The following PCDHGB2 variants were observed in gnomAD, a reference collection of about 807,000 sequenced individuals.
PCDHGB2 encodes the protein protocadherin gamma-B2.
In PCDHGB2, 55 loss-of-function variants were observed where a neutral mutation model predicts 59.3. The ratio of observed to expected loss-of-function variants is 0.93; its 90% confidence interval spans 0.75 to 1.16. The LOEUF (loss-of-function observed/expected upper bound fraction) is 1.16, where lower values mean the gene tolerates loss of function less well. Among genes scored for constraint, PCDHGB2 ranks in the 50% most tolerant of loss-of-function variants. PCDHGB2 has a pLI of 0.00. For synonymous variants in PCDHGB2, 516 were observed against 512.0 expected (o/e 1.01, Z -0.11); for missense variants, 1,228 against 1,198.5 (o/e 1.02, Z -0.36).
chr5:141,499,322 T>C (rs1186220818), intron 2 of PCDHGB2, among the ~76,000 whole-genome samples: 1 of 152,218 alleles, frequency 6.6e-6, no homozygotes, highest in Non-Finnish European at 1.5e-5. Context: ...ACAGTATCCC[T>C]GCTCTCTCTC....
At chr5:141,385,897 T>G (rs1239530596) in intron 1 of PCDHGB2, 1 of 152,628 alleles carries the variant, frequency 6.6e-6, no homozygotes, top group East Asian at 1.9e-4. Flanking sequence ...GAAATGTGTG[T>G]GTATCACACT....
chr5:141,471,977 A>G (rs1487329441), intron 1 of PCDHGB2, among the ~76,000 whole-genome samples: 1 of 152,212 alleles, frequency 6.6e-6, no homozygotes, highest in Non-Finnish European at 1.5e-5. Context: ...ATTACTGTAT[A>G]AATTTATTAA....
chr5:141,419,905 T>G (rs916259620), intron 1 of PCDHGB2: 23 of 1,613,978 alleles, frequency 1.4e-5, no homozygotes, highest in Non-Finnish European at 1.9e-5. Context: ...CCACACCCTC[T>G]GACTCCCAGG....
chr5:141,366,157 T>G, intron 1 of PCDHGB2: 1 of 1,614,080 alleles, frequency 6.2e-7, no homozygotes, highest in Non-Finnish European at 8.5e-7. Flanking sequence ...ACCGCCTGCT[T>G]AAGGCCAGCG....
In PCDHGB2 at chr5:141,371,048, C is replaced by T. The variant is rs1458695026; in HGVS notation, c.2421+8492C>T. 2.5e-6 allele frequency: 4 copies of T among 1,613,772 alleles called. No homozygotes were observed. In the Admixed American group the frequency reaches 6.7e-5, roughly 27 times the overall value. On this transcript the variant is annotated intron_variant, in intron 1 of 3. Coordinates refer to ENST00000522605, the MANE Select transcript of PCDHGB2 (RefSeq NM_018923.3). ...TGGTCCTCACAGCTGTGGATGGGGG[C>T]GAGCCCTCCAGAAGCTGTACCACCC...
rs766431596 is a variant in PCDHGB2 at position 141,422,883 on chromosome 5, C to T, written c.2421+60327C>T. The T allele has an allele frequency of 3.7e-6, 6 of 1,614,124 alleles. No homozygotes were observed. The African/African-American group carries it at 4.0e-5, about 11-fold the overall frequency. Reference sequence around the variant, plus strand: ...GCAGCAACGTGTCGCTGAGCCTGTTCGTGCTGGACCAGAACGACAATGCGC... The same window carrying T: ...GCAGCAACGTGTCGCTGAGCCTGTTTGTGCTGGACCAGAACGACAATGCGC... On this transcript the variant is annotated intron_variant, in intron 1 of 3. Transcript: ENST00000522605.
chr5:141,485,895 C>G lies in PCDHGB2; in HGVS notation c.2422-8912C>G, dbSNP rs1243568042. On this transcript the variant is annotated intron_variant, in intron 1 of 3. Coordinates refer to ENST00000522605, the MANE Select transcript of PCDHGB2 (RefSeq NM_018923.3). This position sits in a 1 kb window ranked among gnomAD's most constrained non-coding sequence, Gnocchi z 5.7. Reference sequence around the variant, plus strand: ...CTGGACGTAAACGACAACGCCCCAGCCTTCCAGCAATCCAGCTACAGGATT... The same window carrying G: ...CTGGACGTAAACGACAACGCCCCAGGCTTCCAGCAATCCAGCTACAGGATT... 3 of 1,614,136 alleles carry G rather than the reference C, an allele frequency of 1.9e-6. No individual in the cohort carries two copies. The highest frequency in any genetic ancestry group is 2.5e-6 in the Non-Finnish European group (3 of 1,180,036).
rs777133589 is a variant in PCDHGB2, at chr5:141,390,020, C to G, written c.2421+27464C>G. The stretch of plus-strand genomic sequence containing the variant: ...CCATGATTCTGGCCATTGCCTTGCG[C>G]CTGCGACGCTCCTCCAGCCCCGCCT... On this transcript the variant is annotated intron_variant, in intron 1 of 3. Transcript: ENST00000522605. 4 of 1,613,930 alleles carry G rather than the reference C, an allele frequency of 2.5e-6. No homozygotes were observed. The African/African-American group carries it at 5.3e-5, about 22-fold the overall frequency.
At chr5:141,379,806 A>C (rs965954468) in intron 1 of PCDHGB2, among the ~76,000 whole-genome samples, 2 of 150,310 alleles carry the variant, frequency 1.3e-5, no homozygotes, top group African/African-American at 4.9e-5. Context: ...AGGTTTTGAG[A>C]GTTCAGTATA....
At chr5:141,509,319 G>A (rs1427191152) in intron 3 of PCDHGB2, among the ~76,000 whole-genome samples, 3 of 152,216 alleles carry the variant, frequency 2.0e-5, no homozygotes, top group African/African-American at 4.8e-5. Context: ...TGGGAGAGAA[G>A]CTCTACTGCC....
chr5:141,460,126 T>TC (rs2098982804), intron 1 of PCDHGB2, among the ~76,000 whole-genome samples: 1 of 151,986 alleles, frequency 6.6e-6, no homozygotes, highest in South Asian at 2.1e-4. Context: ...ATATATGTAA[T>TC]ATATATATTC....
Position 141,460,747 on chromosome 5 carries a change from G to A in PCDHGB2, c.2422-34060G>A, listed in dbSNP as rs148154304. On this transcript the variant is annotated intron_variant, in intron 1 of 3. Transcript: ENST00000522605. ...GCATATATACACATTGTATATATAT[G>A]TGTACATATACATATTGCATATGTA... Among the ~76,000 whole-genome samples, 351 of 151,000 alleles carry A rather than the reference G, an allele frequency of 2.3e-3. 2 individuals are homozygous for A. The highest frequency in any genetic ancestry group is 6.8e-3 in the Middle Eastern group (2 of 294).
intron 1 of PCDHGB2, chr5:141,390,423 C>T: frequency 9.4e-7 from 1 of 1,058,546 alleles, no homozygotes; most frequent in Non-Finnish European, 1.3e-6. Context: ...AGTTAAAAAG[C>T]TGTCATATCA....
rs2154576188 is a variant in PCDHGB2 at position 141,477,933 on chromosome 5, T to C, written c.2422-16874T>C. ...GCGGATGCAGGGCACAATGCCTGGCTCTCCTACAGTCTCTTGGGATCCCCT... is the reference window on the plus strand; with the variant it reads ...GCGGATGCAGGGCACAATGCCTGGCCCTCCTACAGTCTCTTGGGATCCCCT... On this transcript the variant is annotated intron_variant, in intron 1 of 3. Coordinates refer to ENST00000522605, the MANE Select transcript of PCDHGB2 (RefSeq NM_018923.3). The surrounding 1 kb of genome is among the most constrained non-coding windows in gnomAD (Gnocchi z 4.9). 1.2e-6 allele frequency: 2 copies of C among 1,614,112 alleles called. No homozygotes were observed. Among genetic ancestry groups the C allele is most frequent in the Non-Finnish European group, 1.7e-6 (2 of 1,180,022 alleles).
chr5:141,462,652 A>T (rs201168659), intron 1 of PCDHGB2, among the ~76,000 whole-genome samples: 1 of 80,348 alleles, frequency 1.2e-5, no homozygotes, highest in African/African-American at 7.4e-5. Flanking sequence ...TTCCATCCTC[A>T]ATTATCTTCA....
chr5:141,427,907 C>T, intron 1 of PCDHGB2: 1 of 1,575,688 alleles, frequency 6.3e-7, no homozygotes, highest in Non-Finnish European at 8.7e-7. Flanking sequence ...CCGCGCTCAG[C>T]GCCAACATGA....
At chr5:141,418,124 C>A (rs762154093) in intron 1 of PCDHGB2, 33 of 1,613,836 alleles carry the variant, frequency 2.0e-5, no homozygotes, top group East Asian at 1.3e-4. Flanking sequence ...TGTGAAGGAC[C>A]GAATAGACCG....
At chr5:141,376,043 C>G (rs201022484) in intron 1 of PCDHGB2, 1 of 1,613,172 alleles carries the variant, frequency 6.2e-7, no homozygotes, top group Non-Finnish European at 8.5e-7. Context: ...CCAGCCCCCT[C>G]TCTCCGCCAC....
intron 1 of PCDHGB2, chr5:141,421,745 T>C: frequency 6.2e-7 from 1 of 1,613,950 alleles, no homozygotes; most frequent in Non-Finnish European, 8.5e-7. Flanking sequence ...AGCTACCAGC[T>C]CAGCCCTAAT....
Sources: allele counts gnomAD v4.1 joint callset (sites outside exome capture counted in the v4.1 genomes callset), GRCh38; gene constraint gnomAD v4.1.1; non-coding constraint Gnocchi (gnomAD v3.1); transcripts MANE v1.5; gene names NCBI Gene and HGNC (gene_info 2026-07-23, HGNC 2026-07-21).